Variants in C10orf90 observed in about 807,000 individuals in gnomAD.
The protein encoded by C10orf90 is (E2-independent) E3 ubiquitin-conjugating enzyme FATS.
C10orf90 carries 56 observed loss-of-function variants against 62.5 expected under a neutral mutation model. That is an observed-to-expected ratio of 0.90 (90% CI 0.72 to 1.12). The LOEUF is 1.12. Among genes scored for constraint, C10orf90 ranks in the 50% most tolerant of loss-of-function variants. The pLI, the probability that C10orf90 is intolerant of heterozygous loss-of-function variation, is 0.00. For missense variants in C10orf90, 970 were observed against 880.4 expected, an observed-to-expected ratio of 1.10 and a Z score of -1.29; for synonymous variants, 386 against 340.4, an observed-to-expected ratio of 1.13 and a Z score of -1.47.
intron 4 of C10orf90, among the ~76,000 whole-genome samples, chr10:126,474,193 C>T (rs538872737): frequency 1.3e-5 from 2 of 152,226 alleles, no homozygotes; most frequent in East Asian, 1.9e-4. Flanking sequence ...TGTGCAAGCC[C>T]GGGGGTCTCT....
intron 2 of C10orf90, among the ~76,000 whole-genome samples, chr10:126,636,210 A>G (rs1432215468): frequency 6.6e-6 from 1 of 152,166 alleles, no homozygotes; most frequent in South Asian, 2.1e-4. Context: ...AGCTGGAAAG[A>G]GATCATCGGC....
intron 2 of C10orf90, among the ~76,000 whole-genome samples, chr10:126,628,387 G>A (rs558321352): frequency 2.2e-4 from 33 of 152,150 alleles, no homozygotes; most frequent in Non-Finnish European, 4.1e-4. Flanking sequence ...ATCTATGGAC[G>A]GATGGATGGA....
At chr10:126,428,622 AC>A (rs1475948877) in intron 8 of C10orf90, among the ~76,000 whole-genome samples, 1 of 151,796 alleles carries the variant, frequency 6.6e-6, no homozygotes, top group Non-Finnish European at 1.5e-5. Flanking sequence ...ATAGGGCAAT[AC>A]TCTCTGACTA....
intron 4 of C10orf90, among the ~76,000 whole-genome samples, chr10:126,501,228 T>C: frequency 6.6e-6 from 1 of 152,180 alleles, no homozygotes; most frequent in East Asian, 1.9e-4. Flanking sequence ...CCTCCACACG[T>C]TGTGCAGGCT....
chr10:126,650,703 A>G (rs1258033671), intron 1 of C10orf90, among the ~76,000 whole-genome samples: 2 of 152,222 alleles, frequency 1.3e-5, no homozygotes, highest in Non-Finnish European at 1.5e-5. Context: ...TGATATTCAC[A>G]TGACTTCATT....
intron 2 of C10orf90, among the ~76,000 whole-genome samples, chr10:126,549,774 C>G (rs1011036284): frequency 4.0e-5 from 6 of 150,766 alleles, no homozygotes; most frequent in Non-Finnish European, 8.8e-5. Context: ...TAAGAACAAC[C>G]CAGATGTCCT....
intron 2 of C10orf90, among the ~76,000 whole-genome samples, chr10:126,642,542 T>A (rs1037493073): frequency 1.3e-5 from 2 of 151,546 alleles, no homozygotes; most frequent in Non-Finnish European, 2.9e-5. Context: ...AAAAAAAAAA[T>A]ACAAAACCCT....
chr10:126,437,093 G>A lies in C10orf90; in HGVS notation c.2189-7243C>T, dbSNP rs529223815. Among the ~76,000 whole-genome samples, 16 of 152,250 alleles carry A rather than the reference G, an allele frequency of 1.1e-4. 1 individual carries two copies. The South Asian group carries it at 3.3e-3, about 32-fold the overall frequency. ...ATTCATGTTTCAATTCATCCTTACA[G>A]CAACCTACTCAAGCTAGTCTTCTCT... is the stretch of plus-strand genomic sequence containing the variant. On this transcript the variant is annotated intron_variant, in intron 7 of 9. Transcript: ENST00000488181.
chr10:126,551,475 GTTGGA>G (rs1864628773), intron 2 of C10orf90, among the ~76,000 whole-genome samples: 2 of 152,080 alleles, frequency 1.3e-5, no homozygotes, highest in Non-Finnish European at 2.9e-5. Flanking sequence ...AGAAACACAT[GTTGGA>G]TTGAATTCCT....
At chr10:126,551,481 T>C (rs577819739) in intron 2 of C10orf90, among the ~76,000 whole-genome samples, 66 of 152,282 alleles carry the variant, frequency 4.3e-4, no homozygotes, top group South Asian at 8.3e-4. Flanking sequence ...ACATGTTGGA[T>C]TGAATTCCTG....
chr10:126,654,185 G>C (rs1175125698), intron 1 of C10orf90, among the ~76,000 whole-genome samples: 1 of 152,156 alleles, frequency 6.6e-6, no homozygotes, highest in African/African-American at 2.4e-5. Context: ...CCTAACAAGA[G>C]AGTCAGCCTG....
intron 1 of C10orf90, among the ~76,000 whole-genome samples, chr10:126,651,031 C>T (rs1032002987): frequency 1.3e-5 from 2 of 152,222 alleles, no homozygotes; most frequent in African/African-American, 4.8e-5. Flanking sequence ...AGAAGCAGTG[C>T]TCCCATGAGC....
In C10orf90 at chr10:126,453,014, T is replaced by C. The variant is rs1435943180; in HGVS notation, c.2188+6026A>G. Among the ~76,000 whole-genome samples the C allele has an allele frequency of 2.6e-5, 4 of 152,184 alleles. No individual in the cohort carries two copies. Among genetic ancestry groups the C allele is most frequent in the South Asian group, 2.1e-4 (1 of 4,822 alleles). On this transcript the variant is annotated intron_variant, in intron 7 of 9. Coordinates refer to ENST00000488181, the MANE Select transcript of C10orf90 (RefSeq NM_001350921.2). This position sits in a 1 kb window ranked among gnomAD's most constrained non-coding sequence, Gnocchi z 4.9. ...CTTTATTACTGAGATAACTGCCACC[T>C]CTGTCTCCTGTCTCCTGGGTCGCAT...
chr10:126,478,864 TGGA>T (rs898085186), intron 4 of C10orf90, among the ~76,000 whole-genome samples: 1 of 152,168 alleles, frequency 6.6e-6, no homozygotes, highest in Non-Finnish European at 1.5e-5. Flanking sequence ...CTGCAGGAAC[TGGA>T]GGAGATCTGA....
At chr10:126,555,428 T>G (rs1322189221) in intron 2 of C10orf90, among the ~76,000 whole-genome samples, 1 of 152,076 alleles carries the variant, frequency 6.6e-6, no homozygotes, top group African/African-American at 2.4e-5. Context: ...ATCCCAACAC[T>G]TTGGAAGGCT....
chr10:126,573,211 C>T (rs766918139), intron 2 of C10orf90, among the ~76,000 whole-genome samples: 2 of 152,062 alleles, frequency 1.3e-5, no homozygotes, highest in African/African-American at 2.4e-5. Flanking sequence ...AGCAAGCAGG[C>T]GGTACGTGAC....
chr10:126,509,475 G>A (rs1470290496), intron 3 of C10orf90, among the ~76,000 whole-genome samples: 1 of 152,172 alleles, frequency 6.6e-6, no homozygotes, highest in Non-Finnish European at 1.5e-5. Context: ...TTACCTGAAT[G>A]ACATAAATAG....
chr10:126,550,070 C>T (rs1316463139), intron 2 of C10orf90, among the ~76,000 whole-genome samples: 1 of 151,998 alleles, frequency 6.6e-6, no homozygotes, highest in Non-Finnish European at 1.5e-5. Context: ...ATTCTCCTGC[C>T]TCAGCCTCCT....
At chr10:126,472,364 G>C (rs1278307298) in intron 4 of C10orf90, among the ~76,000 whole-genome samples, 1 of 152,062 alleles carries the variant, frequency 6.6e-6, no homozygotes, top group Non-Finnish European at 1.5e-5. Flanking sequence ...TTTGTCTCTG[G>C]GAGCTACGAC....
Sources: gnomAD v4.1 joint callset for allele counts (sites outside exome capture counted in the v4.1 genomes callset) on GRCh38, gnomAD v4.1.1 for gene constraint, Gnocchi (gnomAD v3.1) non-coding constraint, MANE v1.5 for transcripts, NCBI Gene and HGNC (gene_info 2026-07-23, HGNC 2026-07-21) for gene names.